The following ZNF107 variants were observed in gnomAD, a reference collection of about 807,000 sequenced individuals.
ZNF107 encodes the protein C2H2 type zinc-finger protein.
A neutral mutation model predicts 12.3 loss-of-function variants in ZNF107; 19 were observed. That is an observed-to-expected ratio of 1.55 (90% CI 1.08 to 2.27). The LOEUF is 2.27. Ranked by LOEUF, ZNF107 falls within the 30% of genes most tolerant of loss-of-function variation. The pLI is 0.00. For missense variants in ZNF107, 958 were observed against 979.9 expected, an observed-to-expected ratio of 0.98 and a Z score of 0.30; for synonymous variants, 317 against 330.5, an observed-to-expected ratio of 0.96 and a Z score of 0.44.
rs551656553 is a variant in ZNF107, at chr7:64,668,206, G to T, written c.3+1921G>T. Among the ~76,000 whole-genome samples, 12 of 151,774 alleles carry T rather than the reference G, an allele frequency of 7.9e-5. No homozygotes were observed. The East Asian group carries it at 1.6e-3, about 20-fold the overall frequency. On this transcript the variant is annotated intron_variant, in intron 1 of 3. Transcript: ENST00000620827. ...GTTTTAGGGTACATGTGCATAACGTGCAGGTTTGTTACATATGTACACATG... is the reference window on the plus strand; with the variant it reads ...GTTTTAGGGTACATGTGCATAACGTTCAGGTTTGTTACATATGTACACATG...
Position 64,710,526 on chromosome 7 carries a change from A to G in ZNF107, c.*1870A>G, listed in dbSNP as rs1397463896. 2 of 152,250 alleles carry G rather than the reference A, an allele frequency of 1.3e-5. No individual in the cohort carries two copies. Among genetic ancestry groups the G allele is most frequent in the Admixed American group, 6.5e-5 (1 of 15,288 alleles). The allele number at this position is 152,250 out of a possible 1,614,324, so 9.4% of individuals were successfully genotyped here. The stretch of plus-strand genomic sequence containing the variant: ...AGTATAGAATCAGAATGCTGAGTAT[A>G]GAAAATAATTTAAAACTAAAGTTGG... On this transcript the variant is annotated 3_prime_UTR_variant, in exon 4 of 4. Coordinates refer to ENST00000620827, the MANE Select transcript of ZNF107 (RefSeq NM_001282359.2).
intron 1 of ZNF107, among the ~76,000 whole-genome samples, chr7:64,666,952 T>A (rs1486788551): frequency 7.8e-6 from 1 of 127,736 alleles, no homozygotes; most frequent in East Asian, 3.6e-4. Context: ...AGAGCTTAAT[T>A]GGCAGTTCAT....
intron 3 of ZNF107, among the ~76,000 whole-genome samples, chr7:64,704,095 T>C (rs1318659893): frequency 1.3e-5 from 2 of 151,860 alleles, no homozygotes. Context: ...ATGTTAATTA[T>C]ATATTTATAT....
chr7:64,692,840 GT>G (rs141404397), intron 3 of ZNF107, among the ~76,000 whole-genome samples: 5,602 of 151,982 alleles, frequency 0.037, 345 homozygotes, highest in African/African-American at 0.13. Context: ...ATACTTGTAT[GT>G]TAATTTTATA....
intron 1 of ZNF107, among the ~76,000 whole-genome samples, chr7:64,666,627 CA>C (rs1450608427): frequency 6.6e-6 from 1 of 152,168 alleles, no homozygotes; most frequent in East Asian, 1.9e-4. Flanking sequence ...GGAGGGTCAT[CA>C]GGGGAGAATC....
chr7:64,681,319 G>A (rs1789663555), intron 1 of ZNF107, among the ~76,000 whole-genome samples: 2 of 151,934 alleles, frequency 1.3e-5, no homozygotes, highest in Admixed American at 1.3e-4. Context: ...ACTGTTGTGG[G>A]AATTGACGGC....
chr7:64,702,648 C>G (rs1244797228), intron 3 of ZNF107, among the ~76,000 whole-genome samples: 1 of 151,530 alleles, frequency 6.6e-6, no homozygotes, highest in Non-Finnish European at 1.5e-5. Context: ...ACCTCTGCCT[C>G]CCAGATTCAA....
chr7:64,683,634 T>C (rs1375322451), intron 1 of ZNF107, among the ~76,000 whole-genome samples: 1 of 152,196 alleles, frequency 6.6e-6, no homozygotes, highest in African/African-American at 2.4e-5. Flanking sequence ...ACCGCTTCCA[T>C]GTAGGATACA....
intron 3 of ZNF107, among the ~76,000 whole-genome samples, chr7:64,692,908 A>G (rs561949778): frequency 6.6e-6 from 1 of 152,166 alleles, no homozygotes; most frequent in South Asian, 2.1e-4. Flanking sequence ...TGTACTGTTT[A>G]TGGTTTTGTA....
intron 1 of ZNF107, among the ~76,000 whole-genome samples, chr7:64,677,898 T>C: frequency 6.7e-6 from 1 of 149,472 alleles, no homozygotes; most frequent in Non-Finnish European, 1.5e-5. Flanking sequence ...TTCAAAAACA[T>C]GTCCAGAGAC....
chr7:64,687,640 A>G lies in ZNF107; in HGVS notation c.4-3608A>G, dbSNP rs549417580. ...GTCATTGATTATAACCAATTAGCAT[A>G]TATGGATGACCTCCCAAATTACCAG... On this transcript the variant is annotated intron_variant, in intron 1 of 3. Transcript: ENST00000620827. 249 of 878,696 alleles carry G rather than the reference A, an allele frequency of 2.8e-4. No individual in the cohort carries two copies. In the African/African-American group the frequency reaches 4.1e-3, roughly 15 times the overall value. The allele number at this position is 878,696 out of a possible 1,614,324, so 54.4% of individuals were successfully genotyped here.
Position 64,707,321 on chromosome 7 carries a change from G to T in ZNF107, c.1224G>T (p.Gln408His). ...AAGAATGTGGCAAAGTCTTTAACCA[G>T]TTCTCAACTCTTACTAGACATAAGA... The part of the protein sequence containing the change: ...KCEECGKVFN[Q>H]FSTLTRHKII... The change falls in exon 4 of 4, where the codon CAG becomes CAT. Residue 408 changes from glutamine (Q) to histidine (H), a missense_variant. By Grantham distance (24) the Gln-to-His change is conservative. Transcript: ENST00000620827. The T allele has an allele frequency of 6.2e-7, 1 of 1,611,944 alleles. No homozygotes were observed. The highest frequency in any genetic ancestry group is 8.5e-7 in the Non-Finnish European group (1 of 1,179,412).
Position 64,708,158 on chromosome 7 carries a change from C to T in ZNF107, c.2061C>T (p.Asn687=), listed in dbSNP as rs371549391. ...HKCEECGKAY[N]RFSNLTIHKR... ...GTGAAGAATGTGGAAAAGCTTATAACCGATTCTCAAACCTAACTATACATA... is the reference window on the plus strand; with the variant it reads ...GTGAAGAATGTGGAAAAGCTTATAATCGATTCTCAAACCTAACTATACATA... The change falls in exon 4 of 4, where the codon AAC becomes AAT. Residue 687 remains asparagine (N), a synonymous_variant. Transcript: ENST00000620827. 16 of 1,611,510 alleles carry T rather than the reference C, an allele frequency of 9.9e-6. No homozygotes were observed. In the African/African-American group the frequency reaches 1.6e-4, roughly 16 times the overall value.
chr7:64,666,896 G>A (rs1274451316), intron 1 of ZNF107, among the ~76,000 whole-genome samples: 2 of 141,756 alleles, frequency 1.4e-5, no homozygotes, highest in African/African-American at 5.6e-5. Flanking sequence ...GAGTTACGTA[G>A]TTTCTTAGTT....
At chr7:64,672,517 C>T (rs948017131) in intron 1 of ZNF107, among the ~76,000 whole-genome samples, 11 of 152,048 alleles carry the variant, frequency 7.2e-5, no homozygotes, top group African/African-American at 1.2e-4. Context: ...TCATTATGCC[C>T]GGCTAATTTT....
chr7:64,691,861 A>T lies in ZNF107; in HGVS notation c.131-4A>T. ...ATGTTATATATTTATTTTCAATAAA[A>T]CAGGTATTGCTGTCTCTAAGCCATA... is the stretch of plus-strand genomic sequence containing the variant. On this transcript the variant is annotated splice_region_variant and splice_polypyrimidine_tract_variant and intron_variant, in intron 2 of 3. Coordinates refer to ENST00000620827, the MANE Select transcript of ZNF107 (RefSeq NM_001282359.2). The T allele has an allele frequency of 7.1e-7, 1 of 1,408,404 alleles. No individual in the cohort carries two copies. The highest frequency in any genetic ancestry group is 9.3e-7 in the Non-Finnish European group (1 of 1,079,282). 87.2% of individuals were successfully genotyped at this position (1,408,404 alleles called of 1,614,324 possible). A position where few individuals can be genotyped will look rare whatever the true frequency, so the allele number is the denominator to read the frequency against.
chr7:64,708,364 C>T lies in ZNF107; in HGVS notation c.2267C>T (p.Thr756Ile). The change falls in exon 4 of 4, where the codon ACT (threonine) becomes ATT (isoleucine). Residue 756 changes from threonine (T) to isoleucine (I), a missense_variant. Physicochemically the swap from Thr to Ile is moderately conservative, Grantham distance 89 (BLOSUM62 -1). Transcript: ENST00000620827. ...STLTAHKKIH[T>I]GEKPYKCEEC... is the part of the protein sequence containing the mutation. ...CTTACTGCACATAAGAAAATTCATA[C>T]TGGAGAGAAACCCTATAAATGTGAA... 6.2e-7 allele frequency: 1 copy of T among 1,613,456 alleles called. No homozygotes were observed. Among genetic ancestry groups the T allele is most frequent in the Middle Eastern group, 1.7e-4 (1 of 6,058 alleles).
At chr7:64,699,582 C>A (rs1216017268) in intron 3 of ZNF107, among the ~76,000 whole-genome samples, 2 of 152,058 alleles carry the variant, frequency 1.3e-5, no homozygotes, top group African/African-American at 4.8e-5. Context: ...ACTATGGGAC[C>A]ACCATGTCTG....
intron 1 of ZNF107, chr7:64,687,061 G>A: frequency 1.0e-6 from 1 of 985,340 alleles, no homozygotes. Flanking sequence ...TGGCTGACTT[G>A]TTCAATCATA....
Sources: allele counts gnomAD v4.1 joint callset (sites outside exome capture counted in the v4.1 genomes callset), GRCh38; gene constraint gnomAD v4.1.1; transcripts MANE v1.5; gene names NCBI Gene and HGNC (gene_info 2026-07-23, HGNC 2026-07-21).